The following CFAP61 variants were observed in gnomAD, a reference collection of about 807,000 sequenced individuals.
CFAP61 encodes the protein cilia and flagella associated protein 61, also known as cilia- and flagella-associated protein 61.
A neutral mutation model predicts 135.6 loss-of-function variants in CFAP61; 107 were observed. That is an observed-to-expected ratio of 0.79 (90% CI 0.67 to 0.93). The LOEUF (loss-of-function observed/expected upper bound fraction) is 0.93. CFAP61 is among the 40% of genes least tolerant of loss of function. CFAP61 has a pLI of 0.00. For synonymous variants in CFAP61, 575 were observed against 578.5 expected (o/e 0.99, Z 0.09); for missense variants, 1,507 against 1,556.2 (o/e 0.97, Z 0.53).
chr20:20,075,699 G>A lies in CFAP61; in HGVS notation c.566+84G>A, dbSNP rs576621899. On this transcript the variant is annotated intron_variant, in intron 6 of 26. Transcript: ENST00000245957. The stretch of plus-strand genomic sequence containing the variant: ...AGACTCTTTAAACTACCAATGCTAA[G>A]TGACTATAGCTTAGATCAAAATTTT... 3.3e-6 allele frequency: 5 copies of A among 1,504,414 alleles called. No individual in the cohort carries two copies. In the East Asian group the frequency reaches 1.1e-4, roughly 34 times the overall value. The allele number at this position is 1,504,414 out of a possible 1,614,324, so 93.2% of individuals were successfully genotyped here. A position where few individuals can be genotyped will look rare whatever the true frequency, so the allele number is the denominator to read the frequency against.
At chr20:20,292,875 C>G (rs1322291995) in intron 24 of CFAP61, among the ~76,000 whole-genome samples, 1 of 151,944 alleles carries the variant, frequency 6.6e-6, no homozygotes, top group African/African-American at 2.4e-5. Context: ...CTCCCACTCT[C>G]TCTGTTGGAG....
chr20:20,335,415 C>G (rs1033199743), intron 25 of CFAP61, among the ~76,000 whole-genome samples: 9 of 152,320 alleles, frequency 5.9e-5, no homozygotes, highest in South Asian at 2.1e-4. Flanking sequence ...TACATCATAT[C>G]TAAAATAAAT....
intron 13 of CFAP61, among the ~76,000 whole-genome samples, chr20:20,186,837 G>A (rs1276241338): frequency 1.3e-5 from 2 of 152,190 alleles, no homozygotes; most frequent in Non-Finnish European, 2.9e-5. Context: ...GAGGAGGAAT[G>A]GCATTGTCCC....
chr20:20,157,791 AC>A (rs1314066876), intron 9 of CFAP61, among the ~76,000 whole-genome samples: 11 of 152,316 alleles, frequency 7.2e-5, no homozygotes, highest in Admixed American at 6.5e-4. Flanking sequence ...AAAATTTAAA[AC>A]CTTTTCTTTT....
intron 26 of CFAP61, among the ~76,000 whole-genome samples, chr20:20,348,149 TG>T (rs930126373): frequency 3.4e-4 from 52 of 152,134 alleles, no homozygotes; most frequent in African/African-American, 1.1e-3. Flanking sequence ...TAGAAGAGGT[TG>T]GAACTATTCA....
intron 20 of CFAP61, among the ~76,000 whole-genome samples, chr20:20,255,366 G>A (rs1291874966): frequency 6.6e-6 from 1 of 152,196 alleles, no homozygotes; most frequent in East Asian, 1.9e-4. Context: ...AATGAGCTTG[G>A]TGTTGAGCAT....
chr20:20,195,109 T>C (rs943858170), intron 15 of CFAP61, among the ~76,000 whole-genome samples: 3 of 152,138 alleles, frequency 2.0e-5, no homozygotes, highest in African/African-American at 7.2e-5. Flanking sequence ...TCAATGCAGA[T>C]TGAAAGGTTG....
chr20:20,170,892 T>C (rs536192315), intron 13 of CFAP61, among the ~76,000 whole-genome samples: 1 of 146,060 alleles, frequency 6.8e-6, no homozygotes, highest in African/African-American at 2.8e-5. Flanking sequence ...ATAATTAACA[T>C]TTATTGAGGG....
rs1217795375 is a variant in CFAP61 at position 20,359,940 on chromosome 20, A to G, written c.3514-270A>G. On this transcript the variant is annotated intron_variant, in intron 26 of 26. Transcript: ENST00000245957. This position sits in a 1 kb window ranked among gnomAD's most constrained non-coding sequence, Gnocchi z 4.0. ...AATGGAGACAGCGTTTCAGCTGACG[A>G]AGATGAGAAAGTCCTGGAGATGGAC... Among the ~76,000 whole-genome samples, 3 of 152,250 alleles carry G rather than the reference A, an allele frequency of 2.0e-5. No individual in the cohort carries two copies. Among genetic ancestry groups the G allele is most frequent in the Non-Finnish European group, 2.9e-5 (2 of 68,044 alleles).
chr20:20,316,860 T>A (rs2057166490), intron 25 of CFAP61: 1 of 132,238 alleles, frequency 7.6e-6, no homozygotes, highest in Non-Finnish European at 1.6e-5. Flanking sequence ...CCAGCCTGGA[T>A]GACAGAGTGA....
In CFAP61 at chr20:20,288,778, C is replaced by G; in HGVS notation, c.2966C>G (p.Ser989Ter). Residue 989 changes from serine to a stop codon, truncating the protein, a stop_gained, in exon 23 of 27, where the codon TCA (serine) becomes TGA (stop). Coordinates refer to ENST00000245957, the MANE Select transcript of CFAP61 (RefSeq NM_015585.4). LOFTEE classifies it high-confidence loss of function. Reference protein sequence around the residue: ...SLTKFSNRYYSNEWTHSNFSS... With the variant: ...SLTKFSNRYY ...ACCAAATTCTCCAATAGATACTACT[C>G]AAATGAGTGGACTCACAGCAACTTC... 1 of 1,614,194 alleles carries G rather than the reference C, an allele frequency of 6.2e-7. No homozygotes were observed. Among genetic ancestry groups the G allele is most frequent in the Non-Finnish European group, 8.5e-7 (1 of 1,180,044 alleles).
chr20:20,199,073 A>G (rs1466467765), intron 16 of CFAP61, among the ~76,000 whole-genome samples: 1 of 152,232 alleles, frequency 6.6e-6, no homozygotes, highest in African/African-American at 2.4e-5. Context: ...AACTGGATAA[A>G]ATCAATATTT....
Position 20,159,459 on chromosome 20 carries a change from G to A in CFAP61, c.1026+15G>A. 1.2e-6 allele frequency: 2 copies of A among 1,611,174 alleles called. No homozygotes were observed. Among genetic ancestry groups the A allele is most frequent in the East Asian group, 2.2e-5 (1 of 44,844 alleles). On this transcript the variant is annotated intron_variant, in intron 10 of 26. Transcript: ENST00000245957. The stretch of plus-strand genomic sequence containing the variant: ...GTGAACCGGAGGTAGGGTTTGACGA[G>A]GGCCTTTGCGTGCCTTCTAGCCACC...
chr20:20,352,581 G>A (rs188368860), intron 26 of CFAP61, among the ~76,000 whole-genome samples: 2 of 152,270 alleles, frequency 1.3e-5, no homozygotes, highest in East Asian at 3.9e-4. Context: ...AACACACAAT[G>A]GGGAAAGGAC....
chr20:20,167,867 G>C (rs2053945767), intron 12 of CFAP61, among the ~76,000 whole-genome samples: 4 of 152,150 alleles, frequency 2.6e-5, no homozygotes, highest in Admixed American at 6.5e-5. Context: ...GATCCCAAAG[G>C]GACAAATTAG....
intron 8 of CFAP61, among the ~76,000 whole-genome samples, chr20:20,101,374 A>G (rs1310311946): frequency 6.6e-6 from 1 of 152,160 alleles, no homozygotes; most frequent in Non-Finnish European, 1.5e-5. Flanking sequence ...GTTATCCTAT[A>G]ACTTGGTGTA....
At chr20:20,194,748 A>G (rs2056166900) in intron 15 of CFAP61, among the ~76,000 whole-genome samples, 1 of 152,178 alleles carries the variant, frequency 6.6e-6, no homozygotes, top group Non-Finnish European at 1.5e-5. Context: ...GTGTGCTTGA[A>G]TGGAGTACCA....
intron 9 of CFAP61, among the ~76,000 whole-genome samples, chr20:20,150,931 A>G (rs368758411): frequency 6.6e-6 from 1 of 152,178 alleles, no homozygotes; most frequent in African/African-American, 2.4e-5. Context: ...AGATTTTTCC[A>G]CTGACATAGT....
chr20:20,060,300 C>G (rs1035426350), intron 2 of CFAP61, among the ~76,000 whole-genome samples: 16 of 151,984 alleles, frequency 1.1e-4, no homozygotes, highest in Non-Finnish European at 2.2e-4. Context: ...AGTCATTTGC[C>G]AATAAACTCT....
Sources: gnomAD v4.1 joint callset for allele counts (sites outside exome capture counted in the v4.1 genomes callset) on GRCh38, gnomAD v4.1.1 for gene constraint, Gnocchi (gnomAD v3.1) non-coding constraint, MANE v1.5 for transcripts, NCBI Gene and HGNC (gene_info 2026-07-23, HGNC 2026-07-21) for gene names.